Variants in SCARA3 observed in about 807,000 individuals in gnomAD.
The protein encoded by SCARA3 is scavenger receptor class A member 3.
In SCARA3, 39 loss-of-function variants were observed where a neutral mutation model predicts 47.0. The ratio of observed to expected loss-of-function variants is 0.83; its 90% confidence interval spans 0.64 to 1.08. The LOEUF (loss-of-function observed/expected upper bound fraction) is 1.08. SCARA3 is among the 50% of genes least tolerant of loss of function. SCARA3 has a pLI of 0.00. For synonymous variants in SCARA3, 356 were observed against 334.1 expected, an observed-to-expected ratio of 1.07 and a Z score of -0.71; for missense variants, 724 against 792.3, an observed-to-expected ratio of 0.91 and a Z score of 1.04.
the SCARA3 span, among the ~76,000 whole-genome samples, chr8:27,716,043 T>C: frequency 6.6e-6 from 1 of 152,146 alleles, no homozygotes; most frequent in Non-Finnish European, 1.5e-5. Context: ...CAGTGGCTCA[T>C]GCCTGTAATC....
In SCARA3 at chr8:27,670,907, C is replaced by T. The variant is rs369712093; in HGVS notation, c.1377C>T (p.Pro459=). The T allele has an allele frequency of 1.7e-5, 26 of 1,524,376 alleles. 1 individual carries two copies. Among genetic ancestry groups the T allele is most frequent in the South Asian group, 1.5e-4 (12 of 77,534 alleles). The allele number at this position is 1,524,376 out of a possible 1,614,324, so 94.4% of individuals were successfully genotyped here. A position where few individuals can be genotyped will look rare whatever the true frequency, so the allele number is the denominator to read the frequency against. Residue 459 remains proline, a synonymous_variant, in exon 6 of 6, where the codon CCC becomes CCT. Transcript: ENST00000301904. ...LRNVTILRGA[P]GPPGPRGFKG... ...TCTTCTCTCCAACCTCAGGTGCCCC[C>T]GGCCCTCCAGGACCAAGAGGATTCA...
chr8:27,667,779 G>A (rs1482273658), intron 5 of SCARA3, among the ~76,000 whole-genome samples: 1 of 152,176 alleles, frequency 6.6e-6, no homozygotes, highest in Non-Finnish European at 1.5e-5. Context: ...CGCCAGCACC[G>A]AGCAGCTCCA....
downstream of SCARA3, among the ~76,000 whole-genome samples, chr8:27,680,313 G>T (rs972307355): frequency 5.3e-5 from 8 of 151,632 alleles, no homozygotes; most frequent in Non-Finnish European, 8.8e-5. Context: ...AATAAAATAA[G>T]AAACCCCTAG....
At chr8:27,660,045 G>A (rs1049301310) in intron 5 of SCARA3, among the ~76,000 whole-genome samples, 2 of 151,870 alleles carry the variant, frequency 1.3e-5, no homozygotes, top group Non-Finnish European at 2.9e-5. Context: ...TTTGAAAACT[G>A]TCTCCTCTTT....
At chr8:27,712,026 C>G in the SCARA3 span, among the ~76,000 whole-genome samples, 26 of 152,150 alleles carry the variant, frequency 1.7e-4, no homozygotes, top group Admixed American at 1.4e-3. Context: ...GAGAATAAAA[C>G]AAGAAGTTCA....
chr8:27,660,618 T>TGATGATAGATAGATA (rs1801880870), intron 5 of SCARA3, among the ~76,000 whole-genome samples: 1 of 130,882 alleles, frequency 7.6e-6, no homozygotes, highest in Non-Finnish European at 1.7e-5. Flanking sequence ...TAGAGATAGA[T>TGATGATAGATAGATA]GATAGATAGA....
chr8:27,720,888 T>C, the SCARA3 span, among the ~76,000 whole-genome samples: 1 of 151,060 alleles, frequency 6.6e-6, no homozygotes, highest in African/African-American at 2.4e-5. Context: ...ATTCACCCAC[T>C]CAGTCATCCA....
intron 5 of SCARA3, among the ~76,000 whole-genome samples, chr8:27,668,422 C>T (rs1332348453): frequency 6.6e-6 from 1 of 150,902 alleles, no homozygotes; most frequent in Admixed American, 6.6e-5. Context: ...CGCCTGTAGT[C>T]CCAGCTACTC....
At chr8:27,664,273 A>G (rs748090884) in intron 5 of SCARA3, among the ~76,000 whole-genome samples, 1 of 152,252 alleles carries the variant, frequency 6.6e-6, no homozygotes, top group Non-Finnish European at 1.5e-5. Flanking sequence ...GTGTGGTTTC[A>G]TTGAGTTCAA....
At chr8:27,685,898 A>G in the SCARA3 span, among the ~76,000 whole-genome samples, 1 of 152,178 alleles carries the variant, frequency 6.6e-6, no homozygotes, top group Non-Finnish European at 1.5e-5. Flanking sequence ...AGTAAAATCC[A>G]GTTTCTCCAA....
At chr8:27,650,361 C>A (rs1301947788) in intron 2 of SCARA3, among the ~76,000 whole-genome samples, 1 of 152,154 alleles carries the variant, frequency 6.6e-6, no homozygotes. Context: ...TCAGGGACTT[C>A]TGCCATCTCC....
Position 27,651,638 on chromosome 8 carries a change from G to A in SCARA3, c.226+11G>A, listed in dbSNP as rs1445219726. 6.2e-7 allele frequency: 1 copy of A among 1,613,370 alleles called. No homozygotes were observed. The highest frequency in any genetic ancestry group is 8.5e-7 in the Non-Finnish European group (1 of 1,179,814). ...TGTTGGCCTCTCTGGGTGAGTCCGG[G>A]GCTTTCCCACCCCGGGCTGCAGGGG... On this transcript the variant is annotated intron_variant, in intron 3 of 5. Coordinates refer to ENST00000301904, the MANE Select transcript of SCARA3 (RefSeq NM_016240.3).
intron 3 of SCARA3, 76 bp from the exon 4 acceptor site, chr8:27,656,706 G>T: frequency 1.1e-6 from 1 of 898,274 alleles, no homozygotes; most frequent in Non-Finnish European, 1.9e-6. Context: ...AGCTGATAAA[G>T]ATGCCTTCTC....
upstream of SCARA3, chr8:27,633,872 G>A (rs536410538): frequency 2.7e-3 from 410 of 154,292 alleles, 1 homozygote; most frequent in Middle Eastern, 0.023. Flanking sequence ...GAGGGAGGGA[G>A]GAAGGGTGCG....
chr8:27,717,104 A>G, the SCARA3 span, among the ~76,000 whole-genome samples: 1 of 152,180 alleles, frequency 6.6e-6, no homozygotes, highest in Non-Finnish European at 1.5e-5. Context: ...CCAGAGTGAA[A>G]GAGACTAGAG....
downstream of SCARA3, among the ~76,000 whole-genome samples, chr8:27,675,256 C>T (rs1266937386): frequency 1.3e-5 from 2 of 152,208 alleles, no homozygotes; most frequent in Non-Finnish European, 2.9e-5. Context: ...GCCCTGGATA[C>T]ACCTGTCAAA....
chr8:27,681,882 G>C, the SCARA3 span, among the ~76,000 whole-genome samples: 7 of 152,040 alleles, frequency 4.6e-5, no homozygotes, highest in Non-Finnish European at 1.0e-4. Context: ...CAAAATTCCA[G>C]CATGTATTGT....
At chr8:27,724,681 G>A in the SCARA3 span, among the ~76,000 whole-genome samples, 1 of 151,946 alleles carries the variant, frequency 6.6e-6, no homozygotes, top group African/African-American at 2.4e-5. Flanking sequence ...ACAAAAAACT[G>A]GTTAAGTGTG....
the SCARA3 span, among the ~76,000 whole-genome samples, chr8:27,693,538 A>G: frequency 1.3e-5 from 2 of 152,200 alleles, no homozygotes; most frequent in Non-Finnish European, 2.9e-5. Context: ...TAAAAAATAT[A>G]TATAAAATTC....
Sources: gnomAD v4.1 joint callset for allele counts (sites outside exome capture counted in the v4.1 genomes callset) on GRCh38, gnomAD v4.1.1 for gene constraint, MANE v1.5 for transcripts, NCBI Gene and HGNC (gene_info 2026-07-23, HGNC 2026-07-21) for gene names.